Variants in TBC1D15 observed in about 807,000 individuals in gnomAD.
TBC1D15 encodes the protein TBC1 domain family member 15, also known as GAP for RAB7.
TBC1D15 carries 39 observed loss-of-function variants against 95.4 expected under a neutral mutation model. That is an observed-to-expected ratio of 0.41 (90% CI 0.32 to 0.53). The LOEUF is 0.53. Among genes scored for constraint, TBC1D15 ranks in the 20% least tolerant of loss-of-function variants. The probability of loss-of-function intolerance (pLI) is 0.29; values close to 1 mark genes in which losing one functional copy is unlikely to be tolerated. For missense variants in TBC1D15, 733 were observed against 794.3 expected (o/e 0.92, Z 0.93); for synonymous variants, 258 against 261.3 (o/e 0.99, Z 0.12).
At chr12:71,868,468 G>A (rs111246948) in intron 1 of TBC1D15, among the ~76,000 whole-genome samples, 5,828 of 151,984 alleles carry the variant, frequency 0.038, 378 homozygotes, top group African/African-American at 0.13. Flanking sequence ...GGACGGTCTC[G>A]ATCTCCTGAC....
chr12:71,912,471 C>T (rs983401836), intron 11 of TBC1D15, among the ~76,000 whole-genome samples: 5 of 152,108 alleles, frequency 3.3e-5, no homozygotes, highest in African/African-American at 1.2e-4. Context: ...CAGAGGCTCA[C>T]AGCAAATTGA....
intron 1 of TBC1D15, among the ~76,000 whole-genome samples, chr12:71,844,535 TCTCA>T (rs527938134): frequency 1.1e-3 from 171 of 152,334 alleles, no homozygotes; most frequent in African/African-American, 3.8e-3. Context: ...TTTTCCTGAT[TCTCA>T]CTCTGCCTGA....
intron 1 of TBC1D15, among the ~76,000 whole-genome samples, chr12:71,857,523 T>G (rs1889367776): frequency 6.6e-6 from 1 of 152,184 alleles, no homozygotes; most frequent in South Asian, 2.1e-4. Context: ...ATATCTTCAT[T>G]ATATATTATT....
At chr12:71,853,552 T>C (rs1888351119) in intron 1 of TBC1D15, among the ~76,000 whole-genome samples, 1 of 152,254 alleles carries the variant, frequency 6.6e-6, no homozygotes, top group Non-Finnish European at 1.5e-5. Flanking sequence ...TTGTGGTCAA[T>C]TGTAATTGAT....
chr12:71,860,738 C>T (rs924491370), intron 1 of TBC1D15, among the ~76,000 whole-genome samples: 14 of 152,134 alleles, frequency 9.2e-5, no homozygotes, highest in African/African-American at 2.9e-4. Context: ...CCTAATTGCT[C>T]TGGCTAGGAC....
intron 10 of TBC1D15, 111 bp from the exon 11 acceptor site, chr12:71,906,911 T>A: frequency 1.9e-6 from 1 of 529,590 alleles, no homozygotes; most frequent in East Asian, 3.1e-5. Flanking sequence ...AAGTAAAGCT[T>A]GGTGAGTGAA....
intron 5 of TBC1D15, 117 bp from the exon 6 acceptor site, chr12:71,893,103 CTG>C (rs1250724239): frequency 9.0e-6 from 5 of 554,452 alleles, no homozygotes; most frequent in Non-Finnish European, 1.5e-5. Context: ...TAATGGAAAA[CTG>C]TTAAAATATT....
intron 1 of TBC1D15, among the ~76,000 whole-genome samples, chr12:71,848,521 TTTTTTTTC>T (rs1200447095): frequency 1.3e-5 from 2 of 152,074 alleles, no homozygotes; most frequent in Non-Finnish European, 2.9e-5. Flanking sequence ...CTTCTGCTTA[TTTTTTTTC>T]AAACTGTGTT....
At chr12:71,909,042 A>G (rs1414494875) in intron 11 of TBC1D15, among the ~76,000 whole-genome samples, 1 of 152,214 alleles carries the variant, frequency 6.6e-6, no homozygotes, top group Admixed American at 6.5e-5. Context: ...TGAGATAGAA[A>G]TTCATATGTA....
intron 12 of TBC1D15, among the ~76,000 whole-genome samples, chr12:71,916,117 C>G (rs1903644897): frequency 6.6e-6 from 1 of 152,126 alleles, no homozygotes; most frequent in Non-Finnish European, 1.5e-5. Flanking sequence ...TACCCATCAT[C>G]CATTTTGCCA....
chr12:71,874,261 G>C (rs1478308486), intron 3 of TBC1D15, among the ~76,000 whole-genome samples: 1 of 152,146 alleles, frequency 6.6e-6, no homozygotes, highest in Non-Finnish European at 1.5e-5. Flanking sequence ...TTATCTTTTT[G>C]GGAGGGGGCG....
At chr12:71,895,182 G>T (rs1016230695) in intron 7 of TBC1D15, among the ~76,000 whole-genome samples, 1 of 151,936 alleles carries the variant, frequency 6.6e-6, no homozygotes, top group Admixed American at 6.6e-5. Flanking sequence ...TTACCTCTTA[G>T]TTCTGTTCCT....
In TBC1D15 at chr12:71,918,578, A is replaced by G. The variant is rs760208112; in HGVS notation, c.1599+30A>G. On this transcript the variant is annotated intron_variant, in intron 14 of 16. Transcript: ENST00000485960. ...GTCCTTAAATTATTATGCAAATGTGATATTTATTATGAAAAGAAACAATTT... is the reference window on the plus strand; with the variant it reads ...GTCCTTAAATTATTATGCAAATGTGGTATTTATTATGAAAAGAAACAATTT... The G allele has an allele frequency of 3.0e-6, 4 of 1,322,702 alleles. No homozygotes were observed. Among genetic ancestry groups the G allele is most frequent in the East Asian group, 2.3e-5 (1 of 42,928 alleles). 81.9% of individuals were successfully genotyped at this position (1,322,702 alleles called of 1,614,324 possible).
chr12:71,888,094 A>G (rs1439336190), intron 5 of TBC1D15, among the ~76,000 whole-genome samples: 2 of 152,218 alleles, frequency 1.3e-5, no homozygotes, highest in Non-Finnish European at 2.9e-5. Flanking sequence ...TAATAGGGGT[A>G]TATGTATCTT....
intron 16 of TBC1D15, among the ~76,000 whole-genome samples, chr12:71,922,429 T>C (rs1282089612): frequency 5.9e-5 from 9 of 152,080 alleles, no homozygotes; most frequent in East Asian, 1.9e-4. Context: ...CTAGGGTACA[T>C]GTGCACAACA....
intron 11 of TBC1D15, among the ~76,000 whole-genome samples, chr12:71,910,424 T>A (rs193034427): frequency 2.4e-4 from 36 of 151,424 alleles, no homozygotes; most frequent in African/African-American, 7.6e-4. Context: ...TTGATGGGGA[T>A]GGCATTGAAT....
Position 71,884,857 on chromosome 12 carries a change from C to G in TBC1D15, c.390C>G (p.Phe130Leu). ...GGAAAAGCAAATGGTCATTCCTGTT[C>G]AGTTTGACAGACCTGAAATCAATCA... ...RNGKSKWSFL[F>L]SLTDLKSIKQ... The change falls in exon 5 of 17, where the codon TTC (phenylalanine) becomes TTG (leucine). Residue 130 changes from phenylalanine to leucine, a missense_variant. Phe to Leu is a conservative substitution (Grantham distance 22). Coordinates refer to ENST00000485960, the MANE Select transcript of TBC1D15 (RefSeq NM_001146213.3). The G allele has an allele frequency of 6.2e-7, 1 of 1,613,942 alleles. No homozygotes were observed. The highest frequency in any genetic ancestry group is 8.5e-7 in the Non-Finnish European group (1 of 1,179,878).
intron 1 of TBC1D15, among the ~76,000 whole-genome samples, chr12:71,869,145 A>AT (rs1196238319): frequency 3.9e-5 from 6 of 152,198 alleles, no homozygotes; most frequent in Non-Finnish European, 8.8e-5. Flanking sequence ...ACTGGAGGAT[A>AT]GCATTATGCT....
Position 71,893,208 on chromosome 12 carries a change from C to A in TBC1D15, c.555-14C>A. ...TGTGTTAGTATTTTCTACAAATCCTCTTTTTTATTATAGATCTCCACAGGA... is the reference window on the plus strand; with the variant it reads ...TGTGTTAGTATTTTCTACAAATCCTATTTTTTATTATAGATCTCCACAGGA... On this transcript the variant is annotated splice_polypyrimidine_tract_variant and intron_variant, in intron 5 of 16. Transcript: ENST00000485960. 6.5e-7 allele frequency: 1 copy of A among 1,534,248 alleles called. No homozygotes were observed.
Sources: allele counts gnomAD v4.1 joint callset (sites outside exome capture counted in the v4.1 genomes callset), GRCh38; gene constraint gnomAD v4.1.1; transcripts MANE v1.5; gene names NCBI Gene and HGNC (gene_info 2026-07-23, HGNC 2026-07-21).